The following BMP1 variants were observed in gnomAD, a reference collection of about 807,000 sequenced individuals.
BMP1 encodes mammalian tolloid protein.
A neutral mutation model predicts 116.8 loss-of-function variants in BMP1; 63 were observed. That is an observed-to-expected ratio of 0.54 (90% CI 0.44 to 0.67). BMP1 has a LOEUF of 0.67. Among genes scored for constraint, BMP1 ranks in the 30% least tolerant of loss-of-function variants. The probability of loss-of-function intolerance (pLI) is 0.00; values close to 1 mark genes in which losing one functional copy is unlikely to be tolerated. For synonymous variants in BMP1, 536 were observed against 533.4 expected (o/e 1.00, Z -0.07); for missense variants, 1,183 against 1,358.9 (o/e 0.87, Z 2.04).
intron 2 of BMP1, among the ~76,000 whole-genome samples, 156 bp downstream of exon 2, chr8:22,173,871 C>T (rs940091541): frequency 6.6e-6 from 1 of 152,232 alleles, no homozygotes; most frequent in Non-Finnish European, 1.5e-5. Flanking sequence ...ATATCTTCAT[C>T]CCTTCCCCAG....
Position 22,180,390 on chromosome 8 carries a change from C to A in BMP1, c.984C>A (p.Asp328Glu), listed in dbSNP as rs752073136. ...CAGCCTGTGGAGAGACCCTGCAAGA[C>A]AGCACAGGCAACTTCTCCTCCCCTG... ...KCPACGETLQ[D>E]STGNFSSPEY... is the part of the protein sequence containing the mutation. The change falls in exon 8 of 20, where the codon GAC becomes GAA. Residue 328 changes from aspartate to glutamate, a missense_variant. This residue lies in a region of BMP1 where 956 missense variants were observed against 1,135.2 expected (regional missense o/e 0.84). Transcript: ENST00000306385. 2.5e-6 allele frequency: 4 copies of A among 1,613,856 alleles called. No homozygotes were observed. Among genetic ancestry groups the A allele is most frequent in the Admixed American group, 1.7e-5 (1 of 59,992 alleles).
intron 2 of BMP1, among the ~76,000 whole-genome samples, chr8:22,174,822 C>T (rs1275019541): frequency 1.3e-5 from 2 of 152,064 alleles, no homozygotes; most frequent in Admixed American, 1.3e-4. Flanking sequence ...TTAGTAGACA[C>T]GGGATGTCAC....
chr8:22,177,455 C>G (rs1303507836), intron 5 of BMP1: 2 of 689,220 alleles, frequency 2.9e-6, no homozygotes, highest in Admixed American at 3.7e-5. Flanking sequence ...TCAGGCCTTT[C>G]TCCCCACCTT....
chr8:22,208,075 G>C (rs966925900), intron 18 of BMP1, among the ~76,000 whole-genome samples: 2 of 152,056 alleles, frequency 1.3e-5, no homozygotes, highest in East Asian at 1.9e-4. Context: ...GTAGAGACAG[G>C]GTTTCGCCAT....
intron 15 of BMP1, 62 bp downstream of exon 15, chr8:22,197,482 C>T (rs898343627): frequency 4.5e-6 from 7 of 1,540,042 alleles, no homozygotes; most frequent in Non-Finnish European, 6.2e-6. Flanking sequence ...CTCCCTTTCT[C>T]CCTGCCCCTG....
In BMP1 at chr8:22,206,764, AG is replaced by A. The variant is rs34328929; in HGVS notation, c.2234-83del. The stretch of plus-strand genomic sequence containing the variant: ...AGTGGGACAAGAGATGGAAGAAAGG[AG>A]GGGGGGCAGGAGGGAAGGGCCTTCC... On this transcript the variant is annotated intron_variant, in intron 16 of 19. Coordinates refer to ENST00000306385, the MANE Select transcript of BMP1 (RefSeq NM_006129.5). The A allele has an allele frequency of 0.071, 110,814 of 1,552,058 alleles. 8,955 individuals carry two copies. The highest frequency in any genetic ancestry group is 0.41 in the African/African-American group (29,812 of 73,562).
In BMP1 at chr8:22,206,864, C is replaced by T. The variant is rs755377986; in HGVS notation, c.2244C>T (p.Asp748=). The part of the protein sequence containing the change: ...NKHDCKEAGC[D]HKVTSTSGTI... Reference sequence around the variant, plus strand: ...CTCGCTTCCCTGCAGCCGGCTGTGACCACAAGGTGACATCCACCAGTGGTA... The same window carrying T: ...CTCGCTTCCCTGCAGCCGGCTGTGATCACAAGGTGACATCCACCAGTGGTA... Residue 748 remains aspartate (D), a synonymous_variant, in exon 17 of 20, where the codon GAC becomes GAT. Coordinates refer to ENST00000306385, the MANE Select transcript of BMP1 (RefSeq NM_006129.5). The T allele has an allele frequency of 3.1e-6, 5 of 1,614,064 alleles. No individual in the cohort carries two copies. The highest frequency in any genetic ancestry group is 4.2e-6 in the Non-Finnish European group (5 of 1,180,026).
rs56061036 is a variant in BMP1 at position 22,180,196 on chromosome 8, A to G, written c.962-172A>G. On this transcript the variant is annotated intron_variant, in intron 7 of 19. Coordinates refer to ENST00000306385, the MANE Select transcript of BMP1 (RefSeq NM_006129.5). ...GCTGGGAGGTAGGATGGCGTGTGCT[A>G]TATGTGAGGTAGGGGGGTGGATCTT... Among the ~76,000 whole-genome samples, 26,190 of 151,960 alleles carry G rather than the reference A, an allele frequency of 0.17. 3,897 individuals are homozygous for G. The highest frequency in any genetic ancestry group is 0.4 in the African/African-American group (16,647 of 41,384).
intron 15 of BMP1, chr8:22,199,089 C>G (rs1462989747): frequency 1.5e-6 from 2 of 1,367,226 alleles, no homozygotes; most frequent in Non-Finnish European, 2.0e-6. Context: ...GCCCCCATGC[C>G]CTGGTCGACA....
chr8:22,200,488 G>C (rs1563273013), intron 15 of BMP1, among the ~76,000 whole-genome samples: 1 of 152,148 alleles, frequency 6.6e-6, no homozygotes, highest in African/African-American at 2.4e-5. Flanking sequence ...CTGTACACAG[G>C]CTGGGCGGGC....
intron 1 of BMP1, among the ~76,000 whole-genome samples, chr8:22,167,304 A>G (rs1335639681): frequency 6.6e-6 from 1 of 152,176 alleles, no homozygotes; most frequent in Non-Finnish European, 1.5e-5. Flanking sequence ...ACAGTCCAGT[A>G]GGGACCCAAG....
At chr8:22,183,883 AT>A (rs1441022614) in intron 8 of BMP1, among the ~76,000 whole-genome samples, 1 of 152,050 alleles carries the variant, frequency 6.6e-6, no homozygotes, top group African/African-American at 2.4e-5. Flanking sequence ...GCCATGTTAA[AT>A]TCTTTATGTG....
intron 18 of BMP1, 104 bp downstream of exon 18, chr8:22,207,620 T>C: frequency 1.5e-6 from 2 of 1,328,874 alleles, no homozygotes; most frequent in Non-Finnish European, 2.1e-6. Context: ...GACTGAGCCC[T>C]GCGACCCAGG....
In BMP1 at chr8:22,211,806, G is replaced by A; in HGVS notation, c.*78G>A. On this transcript the variant is annotated 3_prime_UTR_variant, in exon 20 of 20. Transcript: ENST00000306385. ...ACTGGATAGTGGGGGTGGGCGGAAG[G>A]CAACGCACCATCCCTCTCCCCCAGG... 1 of 1,601,658 alleles carries A rather than the reference G, an allele frequency of 6.2e-7. No individual in the cohort carries two copies. The highest frequency in any genetic ancestry group is 8.5e-7 in the Non-Finnish European group (1 of 1,173,370).
chr8:22,205,037 C>T (rs1829327838), intron 16 of BMP1, among the ~76,000 whole-genome samples: 1 of 152,174 alleles, frequency 6.6e-6, no homozygotes, highest in Non-Finnish European at 1.5e-5. Flanking sequence ...GCAGTCCATC[C>T]TGACGGGGAG....
intron 15 of BMP1, among the ~76,000 whole-genome samples, chr8:22,200,700 C>T (rs757026234): frequency 6.6e-6 from 1 of 152,090 alleles, no homozygotes; most frequent in South Asian, 2.1e-4. Context: ...TTTGCGAGTG[C>T]GTGTGTCTGT....
At chr8:22,165,882 C>CGCGTGT (rs1554477754) in intron 1 of BMP1, among the ~76,000 whole-genome samples, 8 of 131,314 alleles carry the variant, frequency 6.1e-5, no homozygotes, top group Admixed American at 1.5e-4. Context: ...CCTGTGCGTG[C>CGCGTGT]GTGTGTGTGT....
chr8:22,205,263 A>T (rs1163316099), intron 16 of BMP1, among the ~76,000 whole-genome samples: 2 of 152,108 alleles, frequency 1.3e-5, no homozygotes, highest in Non-Finnish European at 2.9e-5. Flanking sequence ...TGGAGCTGGT[A>T]AAGGCCAATC....
chr8:22,171,884 T>C (rs1286457876), intron 1 of BMP1, among the ~76,000 whole-genome samples: 2 of 152,224 alleles, frequency 1.3e-5, no homozygotes, highest in African/African-American at 4.8e-5. Context: ...GGCAATTCAT[T>C]CATTCGAACA....
Sources: gnomAD v4.1 joint callset for allele counts (sites outside exome capture counted in the v4.1 genomes callset) on GRCh38, gnomAD v4.1.1 for gene constraint, gnomAD v4.1.1 regional missense constraint, MANE v1.5 for transcripts, NCBI Gene and HGNC (gene_info 2026-07-23, HGNC 2026-07-21) for gene names.